NCBP1: variants seen among roughly 807,000 people sequenced by gnomAD.
NCBP1 encodes the protein nuclear cap-binding protein subunit 1.
A neutral mutation model predicts 111.7 loss-of-function variants in NCBP1; 16 were observed. The observed-to-expected ratio is 0.14, with a 90% CI of 0.10 to 0.22. NCBP1 has a LOEUF of 0.22. NCBP1 is among the 10% of genes least tolerant of loss of function. NCBP1 has a pLI of 1.00. For missense variants in NCBP1, 607 were observed against 957.5 expected (o/e 0.63, Z 4.83); for synonymous variants, 304 against 314.3 (o/e 0.97, Z 0.35).
chr9:97,669,812 T>TA, intron 22 of NCBP1, 106 bp downstream of exon 22: 1 of 770,710 alleles, frequency 1.3e-6, no homozygotes, highest in South Asian at 1.5e-5. Context: ...TAGTACCTGT[T>TA]AGACCCTTTA....
At chr9:97,646,880 A>T (rs1401508720) in intron 6 of NCBP1, among the ~76,000 whole-genome samples, 1 of 146,598 alleles carries the variant, frequency 6.8e-6, no homozygotes, top group African/African-American at 2.5e-5. Context: ...GTGTGTGTGT[A>T]TACATATCCT....
At chr9:97,658,403 A>T (rs577914469) in intron 14 of NCBP1, among the ~76,000 whole-genome samples, 9 of 152,318 alleles carry the variant, frequency 5.9e-5, no homozygotes, top group Admixed American at 3.9e-4. Context: ...ATACTTGGCC[A>T]CCAGGCTCAT....
intron 22 of NCBP1, among the ~76,000 whole-genome samples, chr9:97,670,381 GTC>G (rs1367244254): frequency 6.6e-6 from 1 of 152,154 alleles, no homozygotes; most frequent in Non-Finnish European, 1.5e-5. Context: ...GCTCCCTGGG[GTC>G]TCTCTGCAAA....
At chr9:97,650,410 C>A in intron 8 of NCBP1, 93 bp from the exon 9 acceptor site, 2 of 901,092 alleles carry the variant, frequency 2.2e-6, no homozygotes, top group Non-Finnish European at 3.4e-6. Flanking sequence ...CAGTTTAGTG[C>A]TTGGAACATA....
At chr9:97,655,892 A>AGT in intron 13 of NCBP1, 119 bp from the exon 14 acceptor site, 1 of 1,323,460 alleles carries the variant, frequency 7.6e-7, no homozygotes, top group Non-Finnish European at 1.1e-6. Context: ...AATAGTTACA[A>AGT]GTGCAATTAT....
chr9:97,648,965 G>A (rs191340957), intron 8 of NCBP1, among the ~76,000 whole-genome samples: 83 of 152,218 alleles, frequency 5.5e-4, no homozygotes, highest in Admixed American at 4.7e-3. Flanking sequence ...TTTTCCCAAA[G>A]TGTTGGGCTT....
At position 97,640,898 on chromosome 9, in the gene NCBP1, G is replaced by C; in HGVS notation, c.123+16G>C. On this transcript the variant is annotated intron_variant, in intron 2 of 22. Coordinates refer to ENST00000375147, the MANE Select transcript of NCBP1 (RefSeq NM_002486.5). The stretch of plus-strand genomic sequence containing the variant: ...AGGAGAAAAGGTATGTCACACAATA[G>C]GCACAGGCTGTGATGGGTTTAAGAA... 2 of 1,549,404 alleles carry C rather than the reference G, an allele frequency of 1.3e-6. No homozygotes were observed. Among genetic ancestry groups the C allele is most frequent in the South Asian group, 1.2e-5 (1 of 86,770 alleles).
At chr9:97,645,033 A>C in intron 4 of NCBP1, 84 bp from the exon 5 acceptor site, 1 of 1,005,654 alleles carries the variant, frequency 9.9e-7, no homozygotes, top group African/African-American at 1.6e-5. Flanking sequence ...TTAGACCAAT[A>C]GTTTAGCCTA....
In NCBP1 at chr9:97,671,156, A is replaced by G. The variant is rs1469769776; in HGVS notation, c.2330A>G (p.His777Arg). 3.1e-6 allele frequency: 5 copies of G among 1,613,594 alleles called. No individual in the cohort carries two copies. The East Asian group carries it at 6.7e-5, about 22-fold the overall frequency. The change falls in exon 23 of 23, where the codon CAT becomes CGT. Residue 777 changes from histidine (H) to arginine (R), a missense_variant. Physicochemically the swap from His to Arg is conservative, Grantham distance 29 (BLOSUM62 0). Around this residue, in one of 9 missense-constraint regions of NCBP1, gnomAD observed 18 missense variants for 18.7 expected, o/e 0.96. Transcript: ENST00000375147. ...NLLFTAELDP[H>R]ILAVFQQFCA... ...CTCTTCACTGCTGAATTAGACCCTC[A>G]TATCTTGGCCGTGTTCCAGCAGTTC...
chr9:97,669,086 G>A (rs1198227679), intron 21 of NCBP1, 112 bp downstream of exon 21: 1 of 1,244,946 alleles, frequency 8.0e-7, no homozygotes, highest in African/African-American at 1.6e-5. Context: ...ATTTATAGAA[G>A]AGATTAAAAA....
At chr9:97,663,570 C>T (rs1449027969) in intron 18 of NCBP1, among the ~76,000 whole-genome samples, 9 of 151,896 alleles carry the variant, frequency 5.9e-5, no homozygotes, top group South Asian at 4.2e-4. Context: ...CTGCAACCTC[C>T]GCCTCCCGGG....
At chr9:97,656,848 C>T (rs1827672524) in intron 14 of NCBP1, among the ~76,000 whole-genome samples, 1 of 152,198 alleles carries the variant, frequency 6.6e-6, no homozygotes, top group African/African-American at 2.4e-5. Flanking sequence ...AGCATACAAC[C>T]TTTTAGATCA....
chr9:97,653,195 A>G (rs1448272579), intron 10 of NCBP1, among the ~76,000 whole-genome samples: 1 of 146,702 alleles, frequency 6.8e-6, no homozygotes, highest in Non-Finnish European at 1.5e-5. Flanking sequence ...ACCTCAACTC[A>G]GTGCAACCTC....
chr9:97,656,147 C>A, intron 14 of NCBP1, 62 bp downstream of exon 14: 2 of 1,287,366 alleles, frequency 1.6e-6, no homozygotes, highest in Non-Finnish European at 2.2e-6. Context: ...CTTCTCTGCA[C>A]TTGTGATGTG....
In NCBP1 at chr9:97,653,119, C is replaced by CTTTTT. The variant is rs57742118; in HGVS notation, c.1060-664_1060-660dup. Among the ~76,000 whole-genome samples, 1,215 of 123,476 alleles carry CTTTTT rather than the reference C, an allele frequency of 9.8e-3. 40 individuals are homozygous for CTTTTT. The East Asian group carries it at 0.099, about 10-fold the overall frequency. The allele number at this position is 123,476 out of a possible 152,430, so 81.0% of individuals were successfully genotyped here. ...CCTGACCCCAAAGTCTAAAAGAATT[C>CTTTTT]TTTTTTTTTTTTTTTTTTTGAGATG... On this transcript the variant is annotated intron_variant, in intron 10 of 22. Coordinates refer to ENST00000375147, the MANE Select transcript of NCBP1 (RefSeq NM_002486.5).
chr9:97,655,780 TTTTATC>T lies in NCBP1; in HGVS notation c.1298+20_1298+25del. ...GGGAAGATTGGTAAGTGATGGTTTG[TTTTATC>T]TTTTTCTGTAGTCAAAAAACTACTA... On this transcript the variant is annotated intron_variant, in intron 13 of 22. Coordinates refer to ENST00000375147, the MANE Select transcript of NCBP1 (RefSeq NM_002486.5). The T allele has an allele frequency of 6.3e-7, 1 of 1,599,222 alleles. No individual in the cohort carries two copies. Among genetic ancestry groups the T allele is most frequent in the South Asian group, 1.1e-5 (1 of 87,786 alleles).
At chr9:97,668,722 G>A (rs919074403) in intron 20 of NCBP1, 124 bp from the exon 21 acceptor site, 5 of 1,018,034 alleles carry the variant, frequency 4.9e-6, no homozygotes, top group Middle Eastern at 2.4e-4. Flanking sequence ...GGGTGGGGGG[G>A]TACTTTCACT....
intron 20 of NCBP1, among the ~76,000 whole-genome samples, chr9:97,668,401 C>T (rs1234274252): frequency 1.3e-5 from 2 of 152,176 alleles, no homozygotes; most frequent in Non-Finnish European, 2.9e-5. Context: ...TTAAACAGCC[C>T]ACTTTGAATT....
At position 97,662,969 on chromosome 9, in the gene NCBP1, C is replaced by G; in HGVS notation, c.1719C>G (p.Phe573Leu). ...TTATCAAAAGGTTTCATGAAGTCTT[C>G]AAAACCCTAGCTGAAAGTGATGAAG... is the stretch of plus-strand genomic sequence containing the variant. ...FSALAKFHEV[F>L]KTLAESDEGK... The change falls in exon 18 of 23, where the codon TTC (phenylalanine) becomes TTG (leucine). Residue 573 changes from phenylalanine to leucine, a missense_variant. By Grantham distance (22) the Phe-to-Leu change is conservative (BLOSUM62 0). Coordinates refer to ENST00000375147, the MANE Select transcript of NCBP1 (RefSeq NM_002486.5). 6.2e-7 allele frequency: 1 copy of G among 1,612,240 alleles called. No individual in the cohort carries two copies. Among genetic ancestry groups the G allele is most frequent in the South Asian group, 1.1e-5 (1 of 90,830 alleles).
Sources: gnomAD v4.1 joint callset for allele counts (sites outside exome capture counted in the v4.1 genomes callset) on GRCh38, gnomAD v4.1.1 for gene constraint, gnomAD v4.1.1 regional missense constraint, MANE v1.5 for transcripts, NCBI Gene and HGNC (gene_info 2026-07-23, HGNC 2026-07-21) for gene names.